The following ZNF462 variants were observed in gnomAD, a reference collection of about 807,000 sequenced individuals.
ZNF462 encodes zinc finger protein 462.
A neutral mutation model predicts 201.9 loss-of-function variants in ZNF462; 10 were observed. The observed-to-expected ratio is 0.05, with a 90% CI of 0.03 to 0.08. The LOEUF is 0.08. ZNF462 is among the 10% of genes least tolerant of loss of function. The probability of loss-of-function intolerance (pLI) is 1.00; values close to 1 mark genes in which losing one functional copy is unlikely to be tolerated. For synonymous variants in ZNF462, 1,227 were observed against 1,193.3 expected (o/e 1.03, Z -0.58); for missense variants, 2,523 against 3,168.3 (o/e 0.80, Z 4.89).
intron 1 of ZNF462, among the ~76,000 whole-genome samples, chr9:106,864,324 C>G (rs1385683102): frequency 6.6e-6 from 1 of 151,776 alleles, no homozygotes; most frequent in Non-Finnish European, 1.5e-5. Context: ...AGAGGAGAAG[C>G]CATTACACAC....
chr9:106,965,302 C>A (rs1324953910), intron 7 of ZNF462, among the ~76,000 whole-genome samples: 1 of 151,966 alleles, frequency 6.6e-6, no homozygotes, highest in East Asian at 1.9e-4. Context: ...TGAGACGAGA[C>A]TGAAGAGCTT....
In ZNF462 at chr9:107,005,162, C is replaced by CAAGTGAGA. The variant is rs2132684047; in HGVS notation, c.7189+1736_7189+1737insAAGTGAGA. Among the ~76,000 whole-genome samples, 1 of 151,992 alleles carries CAAGTGAGA rather than the reference C, an allele frequency of 6.6e-6. No individual in the cohort carries two copies. Among genetic ancestry groups the CAAGTGAGA allele is most frequent in the African/African-American group, 2.4e-5 (1 of 41,474 alleles). The stretch of plus-strand genomic sequence containing the variant: ...ACTTATCTTGGTTATTATGAATAAC[C>CAAGTGAGA]CTGCAGTGAACGTGAGAGTGCAGAT... On this transcript the variant is annotated intron_variant, in intron 11 of 12. Transcript: ENST00000277225. The surrounding 1 kb of genome is among the most constrained non-coding windows in gnomAD (Gnocchi z 4.4).
At chr9:107,002,389 C>T (rs1829254468) in intron 10 of ZNF462, among the ~76,000 whole-genome samples, 1 of 152,160 alleles carries the variant, frequency 6.6e-6, no homozygotes, top group Non-Finnish European at 1.5e-5. Context: ...AATTTTTTGA[C>T]TTTAGCCCTG....
chr9:107,005,203 TG>T lies in ZNF462; in HGVS notation c.7189+1778del, dbSNP rs1256154237. Among the ~76,000 whole-genome samples, 1 of 152,206 alleles carries T rather than the reference TG, an allele frequency of 6.6e-6. No homozygotes were observed. Among genetic ancestry groups the T allele is most frequent in the East Asian group, 1.9e-4 (1 of 5,192 alleles). On this transcript the variant is annotated intron_variant, in intron 11 of 12. Transcript: ENST00000277225. This position sits in a 1 kb window ranked among gnomAD's most constrained non-coding sequence, Gnocchi z 4.4. ...GAGTGCAGATATTTCTTCAATATCC[TG>T]CTTTCATTTCCTTTGGATATACCTA...
chr9:106,911,499 C>G (rs1027230880), intron 1 of ZNF462, among the ~76,000 whole-genome samples: 2 of 152,162 alleles, frequency 1.3e-5, no homozygotes, highest in Admixed American at 1.3e-4. Flanking sequence ...ATTACTGGAC[C>G]TCAACACCAG....
At chr9:106,940,109 C>T (rs1314665464) in intron 7 of ZNF462, among the ~76,000 whole-genome samples, 1 of 152,114 alleles carries the variant, frequency 6.6e-6, no homozygotes, top group East Asian at 1.9e-4. Context: ...TCACTTCTCT[C>T]GATGATGGTC....
At chr9:107,001,885 T>A (rs939190845) in intron 10 of ZNF462, among the ~76,000 whole-genome samples, 1 of 152,146 alleles carries the variant, frequency 6.6e-6, no homozygotes, top group African/African-American at 2.4e-5. Flanking sequence ...TATAGATAGA[T>A]CAGTGTATTG....
chr9:106,975,199 T>C (rs1198683927), intron 9 of ZNF462: 1 of 152,228 alleles, frequency 6.6e-6, no homozygotes, highest in East Asian at 1.9e-4. Flanking sequence ...ATCTACTTCA[T>C]TCTTTCTCTC....
rs200796107 is a variant in ZNF462, at chr9:107,006,371, AC to A, written c.7189+2946del. Reference sequence around the variant, plus strand: ...AAACAAAACAAACAAACAAACAACAACAAAAAATATAAACCCTGGAGACCAA... The same window carrying A: ...AAACAAAACAAACAAACAAACAACAAAAAAAATATAAACCCTGGAGACCAA... On this transcript the variant is annotated intron_variant, in intron 11 of 12. Transcript: ENST00000277225. The surrounding 1 kb of genome is among the most constrained non-coding windows in gnomAD (Gnocchi z 4.3). 6.6e-6 allele frequency among the ~76,000 whole-genome samples: 1 copy of A among 152,154 alleles called. No homozygotes were observed. The highest frequency in any genetic ancestry group is 1.9e-4 in the East Asian group (1 of 5,188).
At chr9:106,948,017 A>C (rs535461619) in intron 7 of ZNF462, among the ~76,000 whole-genome samples, 1 of 152,222 alleles carries the variant, frequency 6.6e-6, no homozygotes, top group Non-Finnish European at 1.5e-5. Flanking sequence ...AATGGCTATA[A>C]CTTTGGATAG....
At position 106,928,790 on chromosome 9, in the gene ZNF462, A is replaced by C. The variant is rs529223542; in HGVS notation, c.4878A>C (p.Glu1626Asp). 58 of 1,614,094 alleles carry C rather than the reference A, an allele frequency of 3.6e-5. No homozygotes were observed. The highest frequency in any genetic ancestry group is 4.7e-5 in the Non-Finnish European group (55 of 1,180,002). ...PVPLEPEMTTEVSPSQVSITE... is the reference protein window; with the variant it reads ...PVPLEPEMTTDVSPSQVSITE... Reference sequence around the variant, plus strand: ...CCCTCGAGCCCGAGATGACCACTGAAGTGAGCCCTTCCCAAGTCTCCATCA... The same window carrying C: ...CCCTCGAGCCCGAGATGACCACTGACGTGAGCCCTTCCCAAGTCTCCATCA... Residue 1626 changes from glutamate (E) to aspartate (D), a missense_variant, in exon 3 of 13, where the codon GAA becomes GAC. This residue lies in a region of ZNF462 where 200 missense variants were observed against 281.3 expected (regional missense o/e 0.71). Coordinates refer to ENST00000277225, the MANE Select transcript of ZNF462 (RefSeq NM_021224.6). The surrounding 1 kb of genome is among the most constrained non-coding windows in gnomAD (Gnocchi z 9.3).
Position 107,006,064 on chromosome 9 carries a change from C to CCATG in ZNF462, c.7189+2640_7189+2643dup, listed in dbSNP as rs1829521204. Among the ~76,000 whole-genome samples the CCATG allele has an allele frequency of 6.6e-6, 1 of 152,122 alleles. No individual in the cohort carries two copies. The highest frequency in any genetic ancestry group is 1.5e-5 in the Non-Finnish European group (1 of 68,016). ...TGTGTATCTGTTTTTTATGCCAGTA[C>CCATG]CATGCTGTTTTGATTACTATAGTTT... On this transcript the variant is annotated intron_variant, in intron 11 of 12. Coordinates refer to ENST00000277225, the MANE Select transcript of ZNF462 (RefSeq NM_021224.6). The surrounding 1 kb of genome is among the most constrained non-coding windows in gnomAD (Gnocchi z 4.3).
intron 10 of ZNF462, among the ~76,000 whole-genome samples, chr9:106,998,892 A>C (rs1035528505): frequency 4.6e-5 from 7 of 152,120 alleles, no homozygotes; most frequent in African/African-American, 1.4e-4. Flanking sequence ...TACAGGCGTG[A>C]GTCACCGCAC....
intron 10 of ZNF462, among the ~76,000 whole-genome samples, chr9:106,994,261 G>T (rs935253377): frequency 6.6e-6 from 1 of 152,054 alleles, no homozygotes; most frequent in African/African-American, 2.4e-5. Flanking sequence ...CTTTTTGCCA[G>T]TTTGGGGAAA....
At position 106,917,614 on chromosome 9, in the gene ZNF462, TC is replaced by T. The variant is rs1349112582; in HGVS notation, c.-30-5738del. Reference sequence around the variant, plus strand: ...GAACAGCTGTGTCTCCCTTCTGAATTCCTTAATTATTTATCCTCCCTGATAT... The same window carrying T: ...GAACAGCTGTGTCTCCCTTCTGAATTCTTAATTATTTATCCTCCCTGATAT... On this transcript the variant is annotated intron_variant, in intron 1 of 12. Transcript: ENST00000277225. The surrounding 1 kb of genome is among the most constrained non-coding windows in gnomAD (Gnocchi z 4.5). Among the ~76,000 whole-genome samples the T allele has an allele frequency of 6.6e-6, 1 of 152,180 alleles. No homozygotes were observed. Among genetic ancestry groups the T allele is most frequent in the Non-Finnish European group, 1.5e-5 (1 of 68,044 alleles).
At chr9:106,864,070 C>CTCTCTCTCTCTCTCTGTCTCTCTG in intron 1 of ZNF462, among the ~76,000 whole-genome samples, 1 of 124,128 alleles carries the variant, frequency 8.1e-6, no homozygotes, top group African/African-American at 3.2e-5. Flanking sequence ...CTCTCTCTCT[C>CTCTCTCTCTCTCTCTGTCTCTCTG]TCTCTCTCTC....
rs1009646322 is a variant in ZNF462 at position 106,972,844 on chromosome 9, A to G, written c.6695+572A>G. 2.0e-5 allele frequency among the ~76,000 whole-genome samples: 3 copies of G among 152,178 alleles called. No individual in the cohort carries two copies. Among genetic ancestry groups the G allele is most frequent in the Admixed American group, 6.5e-5 (1 of 15,288 alleles). On this transcript the variant is annotated intron_variant, in intron 8 of 12. Coordinates refer to ENST00000277225, the MANE Select transcript of ZNF462 (RefSeq NM_021224.6). The surrounding 1 kb of genome is among the most constrained non-coding windows in gnomAD (Gnocchi z 4.8). ...CACCCTTGCCCCTGTGGATGACAGAATTGATGGACTCAATTATTAAGAATG... is the reference window on the plus strand; with the variant it reads ...CACCCTTGCCCCTGTGGATGACAGAGTTGATGGACTCAATTATTAAGAATG...
In ZNF462 at chr9:106,930,550, C is replaced by G; in HGVS notation, c.5873C>G (p.Pro1958Arg). The G allele has an allele frequency of 6.2e-7, 1 of 1,614,042 alleles. No individual in the cohort carries two copies. Among genetic ancestry groups the G allele is most frequent in the Non-Finnish European group, 8.5e-7 (1 of 1,180,024 alleles). Reference sequence around the variant, plus strand: ...CCTTTTGGTCACTTAGAAGAGGTGCCAAAGATCAAGGAGAGGAAAGTGGTG... The same window carrying G: ...CCTTTTGGTCACTTAGAAGAGGTGCGAAAGATCAAGGAGAGGAAAGTGGTG... ...ERPFGHLEEV[P>R]KIKERKVVGY... is the part of the protein sequence containing the mutation. Residue 1958 changes from proline to arginine, a missense_variant, in exon 4 of 13, where the codon CCA becomes CGA. Pro to Arg is a moderately radical substitution (Grantham distance 103). This residue lies in a region of ZNF462 where 107 missense variants were observed against 187.7 expected (regional missense o/e 0.57). Coordinates refer to ENST00000277225, the MANE Select transcript of ZNF462 (RefSeq NM_021224.6). The surrounding 1 kb of genome is among the most constrained non-coding windows in gnomAD (Gnocchi z 5.8).
At chr9:106,874,434 T>C (rs1176246216) in intron 1 of ZNF462, among the ~76,000 whole-genome samples, 1 of 152,174 alleles carries the variant, frequency 6.6e-6, no homozygotes, top group Non-Finnish European at 1.5e-5. Context: ...TCAACATATC[T>C]TTGTGGATAC....
Sources: gnomAD v4.1 joint callset for allele counts (sites outside exome capture counted in the v4.1 genomes callset) on GRCh38, gnomAD v4.1.1 for gene constraint, gnomAD v4.1.1 regional missense constraint, Gnocchi (gnomAD v3.1) non-coding constraint, MANE v1.5 for transcripts, NCBI Gene and HGNC (gene_info 2026-07-23, HGNC 2026-07-21) for gene names.